The following NTNG1 variants were observed in gnomAD, a reference collection of about 807,000 sequenced individuals.
NTNG1 encodes the protein netrin-G1.
A neutral mutation model predicts 54.0 loss-of-function variants in NTNG1; 16 were observed. The ratio of observed to expected loss-of-function variants is 0.30; its 90% CI spans 0.20 to 0.45. The LOEUF (loss-of-function observed/expected upper bound fraction) is 0.45, where lower values mean the gene tolerates loss of function less well. Among genes scored for constraint, NTNG1 ranks in the 20% least tolerant of loss-of-function variants. NTNG1 has a pLI of 1.00. For missense variants in NTNG1, 530 were observed against 678.7 expected (o/e 0.78, Z 2.43); for synonymous variants, 255 against 263.1 (o/e 0.97, Z 0.30).
chr1:107,327,697 C>A (rs935647892), intron 3 of NTNG1, among the ~76,000 whole-genome samples: 3 of 151,684 alleles, frequency 2.0e-5, no homozygotes, highest in Non-Finnish European at 4.4e-5. Flanking sequence ...CTACTTGTTA[C>A]TTCTATCCCC....
intron 4 of NTNG1, chr1:107,403,716 A>C (rs910927130): frequency 1.3e-5 from 2 of 154,292 alleles, no homozygotes; most frequent in East Asian, 3.9e-4. Context: ...AAAAAAAAAA[A>C]AACCTCATGC....
chr1:107,460,245 C>T (rs544685914), intron 7 of NTNG1, among the ~76,000 whole-genome samples: 40 of 152,236 alleles, frequency 2.6e-4, no homozygotes, highest in African/African-American at 9.1e-4. Context: ...AAACCATGGC[C>T]TGCACAGTGC....
chr1:107,381,912 A>G (rs1012329645), intron 3 of NTNG1, among the ~76,000 whole-genome samples: 4 of 152,094 alleles, frequency 2.6e-5, no homozygotes, highest in African/African-American at 4.8e-5. Flanking sequence ...TTTACCTTCT[A>G]TCAGGTTGGC....
intron 7 of NTNG1, among the ~76,000 whole-genome samples, chr1:107,465,739 A>G (rs1222144059): frequency 1.3e-5 from 2 of 152,196 alleles, no homozygotes; most frequent in African/African-American, 4.8e-5. Context: ...AGTGCTTTGC[A>G]AACAGAAAGA....
rs941251854 is a variant in NTNG1, at chr1:107,401,687, A to G, written c.1061-5995A>G. On this transcript the variant is annotated intron_variant, in intron 4 of 7. Transcript: ENST00000370068. ...TGTTGAAAAAAATTTTAATTTTCATAGTTTTTTTTTTTTTTAATTTGAGGG... is the reference window on the plus strand; with the variant it reads ...TGTTGAAAAAAATTTTAATTTTCATGGTTTTTTTTTTTTTTAATTTGAGGG... 2.3e-3 allele frequency among the ~76,000 whole-genome samples: 295 copies of G among 125,704 alleles called. 7 individuals carry two copies. Among genetic ancestry groups the G allele is most frequent in the Non-Finnish European group, 5.4e-4 (30 of 55,856 alleles). 82.5% of individuals were successfully genotyped at this position (125,704 alleles called of 152,430 possible). A position where few individuals can be genotyped will look rare whatever the true frequency, so the allele number is the denominator to read the frequency against.
chr1:107,199,774 G>T (rs1005597364), intron 2 of NTNG1, among the ~76,000 whole-genome samples: 2 of 151,860 alleles, frequency 1.3e-5, no homozygotes, highest in Non-Finnish European at 2.9e-5. Flanking sequence ...CCCAACTCTG[G>T]TCCTCTTAAA....
intron 2 of NTNG1, among the ~76,000 whole-genome samples, chr1:107,297,796 A>T (rs530411175): frequency 2.0e-5 from 3 of 152,166 alleles, no homozygotes; most frequent in African/African-American, 7.2e-5. Flanking sequence ...CATTGTGGGG[A>T]CATAAATCTG....
At chr1:107,480,462 G>T in intron 7 of NTNG1, 149 bp from the exon 8 acceptor site, 1 of 589,334 alleles carries the variant, frequency 1.7e-6, no homozygotes. Context: ...TTGGAGTCAC[G>T]GGCTTCGTTT....
intron 2 of NTNG1, among the ~76,000 whole-genome samples, chr1:107,200,705 A>G (rs2101281824): frequency 6.6e-6 from 1 of 151,858 alleles, no homozygotes; most frequent in East Asian, 1.9e-4. Flanking sequence ...TAACTGCTTT[A>G]TGTAAAAGAG....
At chr1:107,361,371 A>G (rs868667533) in intron 3 of NTNG1, among the ~76,000 whole-genome samples, 1,707 of 54,564 alleles carry the variant, frequency 0.031, 51 homozygotes, top group African/African-American at 0.11. Flanking sequence ...ATATATATAT[A>G]TACATATATA....
intron 2 of NTNG1, among the ~76,000 whole-genome samples, chr1:107,262,470 T>C (rs1031819229): frequency 1.3e-5 from 2 of 152,212 alleles, no homozygotes; most frequent in African/African-American, 4.8e-5. Flanking sequence ...CTAACTATTG[T>C]GGACTTCGAG....
At chr1:107,376,826 C>T (rs1671302240) in intron 3 of NTNG1, among the ~76,000 whole-genome samples, 1 of 152,144 alleles carries the variant, frequency 6.6e-6, no homozygotes, top group South Asian at 2.1e-4. Flanking sequence ...GCCACCAGCC[C>T]CAGCACATGC....
rs546086649 is a variant in NTNG1, at chr1:107,259,279, T to C, written c.247-65003T>C. Reference sequence around the variant, plus strand: ...TTCAAACTGTTTCCATCTGCATTACTGGCTCTTTCACACTAAAGTGCCCAC... The same window carrying C: ...TTCAAACTGTTTCCATCTGCATTACCGGCTCTTTCACACTAAAGTGCCCAC... On this transcript the variant is annotated intron_variant, in intron 2 of 7. Transcript: ENST00000370068. Among the ~76,000 whole-genome samples, 7 of 152,318 alleles carry C rather than the reference T, an allele frequency of 4.6e-5. 1 individual carries two copies. The South Asian group carries it at 1.2e-3, about 27-fold the overall frequency.
chr1:107,256,803 A>C (rs1482818805), intron 2 of NTNG1, among the ~76,000 whole-genome samples: 3 of 152,196 alleles, frequency 2.0e-5, no homozygotes, highest in African/African-American at 7.2e-5. Flanking sequence ...TAGAGAGCAA[A>C]TGAAGGATTT....
chr1:107,454,559 T>C (rs886259984), intron 7 of NTNG1, among the ~76,000 whole-genome samples: 1 of 150,858 alleles, frequency 6.6e-6, no homozygotes, highest in African/African-American at 2.4e-5. Flanking sequence ...AAAAAAAAAA[T>C]CACTCTGACC....
upstream of NTNG1, chr1:107,140,290 G>A (rs1278504250): frequency 1.3e-5 from 2 of 153,024 alleles, no homozygotes; most frequent in Non-Finnish European, 2.9e-5. Context: ...CCCTCCGAGG[G>A]CTGCGGCTTC....
At chr1:107,401,674 T>A (rs1400679699) in intron 4 of NTNG1, among the ~76,000 whole-genome samples, 6 of 147,726 alleles carry the variant, frequency 4.1e-5, no homozygotes, top group Admixed American at 2.1e-4. Context: ...TTGAAAAAAA[T>A]TTTAATTTTC....
At chr1:107,399,830 A>G (rs892241059) in intron 4 of NTNG1, among the ~76,000 whole-genome samples, 3 of 152,134 alleles carry the variant, frequency 2.0e-5, no homozygotes, top group Non-Finnish European at 4.4e-5. Context: ...TCTGTCCTCC[A>G]CTGGGATTTA....
chr1:107,199,199 C>T (rs1658547682), intron 2 of NTNG1, among the ~76,000 whole-genome samples: 1 of 151,580 alleles, frequency 6.6e-6, no homozygotes, highest in South Asian at 2.1e-4. Context: ...GATTTTATTA[C>T]CTTCAGTTAT....
Sources: gnomAD v4.1 joint callset for allele counts (sites outside exome capture counted in the v4.1 genomes callset) on GRCh38, gnomAD v4.1.1 for gene constraint, MANE v1.5 for transcripts, NCBI Gene and HGNC (gene_info 2026-07-23, HGNC 2026-07-21) for gene names.